Variants in TBC1D12 observed in about 807,000 individuals in gnomAD.
TBC1D12 encodes TBC1 domain family member 12, also known as TBC1 domain family, member 12.
TBC1D12 carries 56 observed loss-of-function variants against 86.7 expected under a neutral mutation model. The observed-to-expected ratio is 0.65, with a 90% CI of 0.52 to 0.81. The LOEUF (loss-of-function observed/expected upper bound fraction) is 0.81. TBC1D12 is among the 30% of genes least tolerant of loss of function. The pLI is 0.00. For synonymous variants in TBC1D12, 421 were observed against 411.7 expected (o/e 1.02, Z -0.27); for missense variants, 1,023 against 1,038.8 (o/e 0.98, Z 0.21).
At chr10:94,448,643 A>AT (rs1001851203) in intron 2 of TBC1D12, among the ~76,000 whole-genome samples, 2 of 151,666 alleles carry the variant, frequency 1.3e-5, no homozygotes, top group African/African-American at 4.8e-5. Flanking sequence ...TGCCTGGCTA[A>AT]TTTTTTTATA....
intron 2 of TBC1D12, among the ~76,000 whole-genome samples, chr10:94,450,184 A>G (rs1668589911): frequency 6.6e-6 from 1 of 152,154 alleles, no homozygotes; most frequent in South Asian, 2.1e-4. Flanking sequence ...CTATATCTAT[A>G]TCTACATCCT....
At chr10:94,460,358 C>A (rs1317702879) in intron 2 of TBC1D12, among the ~76,000 whole-genome samples, 1 of 152,120 alleles carries the variant, frequency 6.6e-6, no homozygotes, top group East Asian at 1.9e-4. Flanking sequence ...TTTTTTCCTT[C>A]ACTTTTGAAG....
intron 2 of TBC1D12, among the ~76,000 whole-genome samples, chr10:94,465,719 C>CGTATACGT (rs144782745): frequency 4.8e-5 from 7 of 145,856 alleles, no homozygotes; most frequent in Non-Finnish European, 9.0e-5. Context: ...TATACGTATA[C>CGTATACGT]ATACATACAT....
intron 1 of TBC1D12, among the ~76,000 whole-genome samples, chr10:94,407,322 G>T (rs1206305659): frequency 6.6e-6 from 1 of 152,144 alleles, no homozygotes; most frequent in Non-Finnish European, 1.5e-5. Flanking sequence ...TGTGTTTATG[G>T]TGACTTGGCT....
At chr10:94,508,629 T>C (rs1460145184) in intron 7 of TBC1D12, 1 of 152,172 alleles carries the variant, frequency 6.6e-6, no homozygotes, top group Admixed American at 6.6e-5. Flanking sequence ...ATACATTCTG[T>C]TTCTCTGTTG....
chr10:94,502,357 A>AAATAAATT (rs1158974012), intron 6 of TBC1D12, among the ~76,000 whole-genome samples: 1 of 151,632 alleles, frequency 6.6e-6, no homozygotes, highest in Non-Finnish European at 1.5e-5. Flanking sequence ...ATAAATAAAT[A>AAATAAATT]AATAAATTTT....
chr10:94,499,573 A>G (rs1443788365), intron 5 of TBC1D12, among the ~76,000 whole-genome samples: 1 of 152,216 alleles, frequency 6.6e-6, no homozygotes, highest in Non-Finnish European at 1.5e-5. Context: ...TATCTTCTGC[A>G]ATGCCTACTG....
chr10:94,491,623 C>T (rs553374666), intron 3 of TBC1D12, among the ~76,000 whole-genome samples: 2 of 152,204 alleles, frequency 1.3e-5, no homozygotes, highest in African/African-American at 4.8e-5. Flanking sequence ...TTTTAAATTG[C>T]GTGCCATTCT....
In TBC1D12 at chr10:94,500,247, T is replaced by C; in HGVS notation, c.1439T>C (p.Leu480Ser). The C allele has an allele frequency of 2.5e-6, 4 of 1,613,990 alleles. No individual in the cohort carries two copies. The highest frequency in any genetic ancestry group is 3.4e-6 in the Non-Finnish European group (4 of 1,179,942). The change falls in exon 6 of 13, where the codon TTG becomes TCG. Residue 480 changes from leucine (L) to serine (S), a missense_variant. Transcript: ENST00000225235. ...VMRSTRRVRE[L>S]WWQGLPPSVR... ...CGTAGTACAAGAAGAGTTCGAGAAT[T>C]GTGGTGGCAGGGATTGCCCCCTAGT... is the stretch of plus-strand genomic sequence containing the variant.
rs1842536185 is a variant in TBC1D12, at chr10:94,536,271, A to C, written c.*3175A>C. On this transcript the variant is annotated 3_prime_UTR_variant, in exon 13 of 13. Coordinates refer to ENST00000225235, the MANE Select transcript of TBC1D12 (RefSeq NM_015188.2). ...TGGTGTTTCATTTGTTTGTCTACTC[A>C]ATATATATATTTCTTACTTAATGTT... Among the ~76,000 whole-genome samples the C allele has an allele frequency of 6.6e-6, 1 of 152,084 alleles. No homozygotes were observed. The highest frequency in any genetic ancestry group is 1.5e-5 in the Non-Finnish European group (1 of 67,990).
intron 2 of TBC1D12, among the ~76,000 whole-genome samples, chr10:94,472,958 G>A (rs2055930195): frequency 6.6e-6 from 1 of 152,190 alleles, no homozygotes; most frequent in Non-Finnish European, 1.5e-5. Context: ...AGATGAATAT[G>A]AAACTTTATA....
intron 2 of TBC1D12, among the ~76,000 whole-genome samples, chr10:94,457,960 T>C (rs1246134049): frequency 6.6e-6 from 1 of 152,126 alleles, no homozygotes; most frequent in Admixed American, 6.5e-5. Context: ...CCCATCCCTT[T>C]TATTACTGCC....
In TBC1D12 at chr10:94,467,070, G is replaced by A. The variant is rs557529309; in HGVS notation, c.1096-7598G>A. On this transcript the variant is annotated intron_variant, in intron 2 of 12. Coordinates refer to ENST00000225235, the MANE Select transcript of TBC1D12 (RefSeq NM_015188.2). ...GAAATATCATGGAGATAAAGGGCCC[G>A]CTTTGTCTAATTTTTAGAAAATGAC... is the stretch of plus-strand genomic sequence containing the variant. 5.9e-5 allele frequency among the ~76,000 whole-genome samples: 9 copies of A among 152,098 alleles called. No homozygotes were observed. The East Asian group carries it at 9.7e-4, about 16-fold the overall frequency.
intron 2 of TBC1D12, among the ~76,000 whole-genome samples, chr10:94,469,694 C>T (rs998952339): frequency 3.3e-5 from 5 of 152,116 alleles, no homozygotes; most frequent in African/African-American, 1.2e-4. Context: ...AAGTAATCCA[C>T]CCACCTCAGC....
intron 9 of TBC1D12, among the ~76,000 whole-genome samples, chr10:94,515,009 G>A (rs970758979): frequency 6.9e-6 from 1 of 144,772 alleles, no homozygotes; most frequent in Non-Finnish European, 1.5e-5. Context: ...CCGGGTTCAC[G>A]CCATTCTCCT....
At chr10:94,472,250 A>T (rs969212211) in intron 2 of TBC1D12, among the ~76,000 whole-genome samples, 15 of 152,286 alleles carry the variant, frequency 9.8e-5, no homozygotes, top group Non-Finnish European at 1.3e-4. Flanking sequence ...ACAAAAAAAA[A>T]TTTTTTTATG....
chr10:94,521,986 T>C lies in TBC1D12; in HGVS notation c.1793T>C (p.Leu598Pro). The change falls in exon 10 of 13, where the codon CTC becomes CCC. Residue 598 changes from leucine (L) to proline (P), a missense_variant. Physicochemically the swap from Leu to Pro is moderately conservative, Grantham distance 98. Transcript: ENST00000225235. ...VQGMSFIAAV[L>P]ILNLEEADAF... ...GGGATGTCCTTCATTGCAGCAGTAC[T>C]CATTCTCAATTTGGAAGAGGCAGAT... 1.2e-6 allele frequency: 2 copies of C among 1,611,564 alleles called. No homozygotes were observed. The highest frequency in any genetic ancestry group is 1.7e-6 in the Non-Finnish European group (2 of 1,178,294).
chr10:94,452,231 T>C (rs2134106733), intron 2 of TBC1D12, among the ~76,000 whole-genome samples: 1 of 152,208 alleles, frequency 6.6e-6, no homozygotes, highest in Non-Finnish European at 1.5e-5. Flanking sequence ...CCTCCTTCAC[T>C]GTCAGCATCC....
rs559755631 is a variant in TBC1D12 at position 94,423,267 on chromosome 10, G to C, written c.972-18629G>C. On this transcript the variant is annotated intron_variant, in intron 1 of 12. Transcript: ENST00000225235. ...CTTTTCTGCCTCCTGATTGTTCAAT[G>C]CATGCTTTCTACCTACAAAGGCTCT... Among the ~76,000 whole-genome samples, 5 of 151,488 alleles carry C rather than the reference G, an allele frequency of 3.3e-5. No individual in the cohort carries two copies. The South Asian group carries it at 6.3e-4, about 19-fold the overall frequency.
Sources: allele counts gnomAD v4.1 joint callset (sites outside exome capture counted in the v4.1 genomes callset), GRCh38; gene constraint gnomAD v4.1.1; transcripts MANE v1.5; gene names NCBI Gene and HGNC (gene_info 2026-07-23, HGNC 2026-07-21).